The following NEUROD1 variants were observed in gnomAD, a reference collection of about 807,000 sequenced individuals.
NEUROD1 encodes neuronal differentiation 1.
A neutral mutation model predicts 21.8 loss-of-function variants in NEUROD1; 9 were observed. The ratio of observed to expected loss-of-function variants is 0.41; its 90% CI spans 0.25 to 0.72. The LOEUF is 0.72. Ranked by LOEUF, NEUROD1 falls within the 30% of genes least tolerant of loss-of-function variation. The pLI is 0.31. For missense variants in NEUROD1, 434 were observed against 468.8 expected, an observed-to-expected ratio of 0.93 and a Z score of 0.69; for synonymous variants, 199 against 186.2, an observed-to-expected ratio of 1.07 and a Z score of -0.56.
Position 181,676,503 on chromosome 2 carries a change from G to A in NEUROD1, c.*1287C>T, listed in dbSNP as rs1688573824. The A allele has an allele frequency of 6.6e-6, 1 of 152,598 alleles. No homozygotes were observed. The highest frequency in any genetic ancestry group is 1.5e-5 in the Non-Finnish European group (1 of 68,014). The allele number at this position is 152,598 out of a possible 1,614,324, so 9.5% of individuals were successfully genotyped here. ...ACTATTTTATTGCAACTGGATGAAT[G>A]TTTTCTAAATTGTGCATTACACCAT... On this transcript the variant is annotated 3_prime_UTR_variant, in exon 2 of 2. Transcript: ENST00000295108.
Position 181,677,780 on chromosome 2 carries a change from T to C in NEUROD1, c.*10A>G. ...GTTCGTTTCCCGGAAATGGTGAAAC[T>C]GGCGTGCCTCTAATCATGAAATATG... On this transcript the variant is annotated 3_prime_UTR_variant, in exon 2 of 2. Coordinates refer to ENST00000295108, the MANE Select transcript of NEUROD1 (RefSeq NM_002500.5). 1 of 1,614,116 alleles carries C rather than the reference T, an allele frequency of 6.2e-7. No homozygotes were observed. The highest frequency in any genetic ancestry group is 2.2e-5 in the East Asian group (1 of 44,868).
intron 1 of NEUROD1, among the ~76,000 whole-genome samples, chr2:181,679,090 T>TG (rs1688652838): frequency 6.6e-6 from 1 of 152,150 alleles, no homozygotes; most frequent in Non-Finnish European, 1.5e-5. Flanking sequence ...AGGACAGGAC[T>TG]GGGGGAGGGT....
downstream of NEUROD1, among the ~76,000 whole-genome samples, chr2:181,671,981 T>A (rs528007464): frequency 6.6e-6 from 1 of 152,252 alleles, no homozygotes; most frequent in African/African-American, 2.4e-5. Flanking sequence ...GTTTATACAC[T>A]GAACCCTTCA....
rs990710931 is a variant in NEUROD1, at chr2:181,676,774, A to G, written c.*1016T>C. 2 of 152,730 alleles carry G rather than the reference A, an allele frequency of 1.3e-5. No homozygotes were observed. 9.5% of individuals were successfully genotyped at this position (152,730 alleles called of 1,614,324 possible). A position where few individuals can be genotyped will look rare whatever the true frequency, so the allele number is the denominator to read the frequency against. On this transcript the variant is annotated 3_prime_UTR_variant, in exon 2 of 2. Transcript: ENST00000295108. ...TTACATGAATATATGACAAACCACC[A>G]TTTTTGTGACTATGTATAAAATCAT... is the stretch of plus-strand genomic sequence containing the variant.
At position 181,678,180 on chromosome 2, in the gene NEUROD1, G is replaced by T. The variant is rs1688622363; in HGVS notation, c.681C>A (p.Pro227=). ...HPYSYQSPGL[P]SPPYGTMDSS... ...TGTCCATGGTACCGTAAGGCGGACT[G>T]GGCAGCCCAGGCGACTGGTAGGAGT... Residue 227 remains proline, a synonymous_variant, in exon 2 of 2, where the codon CCC becomes CCA. Transcript: ENST00000295108. This position sits in a 1 kb window ranked among gnomAD's most constrained non-coding sequence, Gnocchi z 5.5. 3 of 1,614,044 alleles carry T rather than the reference G, an allele frequency of 1.9e-6. No individual in the cohort carries two copies. The African/African-American group carries it at 4.0e-5, about 22-fold the overall frequency.
downstream of NEUROD1, among the ~76,000 whole-genome samples, chr2:181,670,040 A>G (rs1168075464): frequency 6.6e-6 from 1 of 152,224 alleles, no homozygotes; most frequent in Non-Finnish European, 1.5e-5. Flanking sequence ...AAAATTATGT[A>G]CTTTAAAATA....
rs757538700 is a variant in NEUROD1, at chr2:181,678,410, A to G, written c.451T>C (p.Trp151Arg). The change falls in exon 2 of 2, where the codon TGG (tryptophan) becomes CGG (arginine). Residue 151 changes from tryptophan (W) to arginine (R), a missense_variant. By Grantham distance (101) the Trp-to-Arg change is moderately radical. Transcript: ENST00000295108. The surrounding 1 kb of genome is among the most constrained non-coding windows in gnomAD (Gnocchi z 5.5). Reference protein sequence around the residue: ...ETLRLAKNYIWALSEILRSGK... With the variant: ...ETLRLAKNYIRALSEILRSGK... ...GAGCGCAGGATCTCCGACAGAGCCC[A>G]GATGTAGTTCTTGGCCAAGCGCAGA... is the stretch of plus-strand genomic sequence containing the variant. 6.2e-6 allele frequency: 10 copies of G among 1,614,104 alleles called. No homozygotes were observed. In the East Asian group the frequency reaches 2.2e-4, roughly 36 times the overall value.
chr2:181,676,449 G>A (rs1250537563), downstream of NEUROD1: 1 of 152,592 alleles, frequency 6.6e-6, no homozygotes, highest in Admixed American at 6.5e-5. Flanking sequence ...CCTTTAAGAA[G>A]AAATGCAACA....
At position 181,678,118 on chromosome 2, in the gene NEUROD1, G is replaced by C; in HGVS notation, c.743C>G (p.Ala248Gly). 6.2e-7 allele frequency: 1 copy of C among 1,614,228 alleles called. No individual in the cohort carries two copies. Among genetic ancestry groups the C allele is most frequent in the Non-Finnish European group, 8.5e-7 (1 of 1,180,038 alleles). ...GAAGGGCTCCAGCGCTGCGCTGTAGGCGTGCGGCGGAGGCTTAACGTGGAA... is the reference window on the plus strand; with the variant it reads ...GAAGGGCTCCAGCGCTGCGCTGTAGCCGTGCGGCGGAGGCTTAACGTGGAA... The part of the protein sequence containing the change: ...HVFHVKPPPH[A>G]YSAALEPFFE... The change falls in exon 2 of 2, where the codon GCC (alanine) becomes GGC (glycine). Residue 248 changes from alanine to glycine, a missense_variant. By Grantham distance (60) the Ala-to-Gly change is moderately conservative. Transcript: ENST00000295108. The surrounding 1 kb of genome is among the most constrained non-coding windows in gnomAD (Gnocchi z 5.5).
intron 1 of NEUROD1, among the ~76,000 whole-genome samples, chr2:181,679,386 T>A (rs1216401030): frequency 1.3e-5 from 2 of 152,212 alleles, no homozygotes; most frequent in South Asian, 2.1e-4. Context: ...CTGGCAGCGA[T>A]TTTTAAGAAG....
At chr2:181,672,478 A>G (rs80281567), downstream of NEUROD1, among the ~76,000 whole-genome samples, 197 of 152,344 alleles carry the variant, frequency 1.3e-3, 4 homozygotes, top group East Asian at 0.017. Context: ...AACACACAGA[A>G]GAGACAACTT....
At chr2:181,674,412 G>T (rs1439612366), downstream of NEUROD1, among the ~76,000 whole-genome samples, 1 of 152,038 alleles carries the variant, frequency 6.6e-6, no homozygotes, top group Non-Finnish European at 1.5e-5. Context: ...TACAAACTGG[G>T]TATAAGCATT....
Position 181,677,897 on chromosome 2 carries a change from C to T in NEUROD1, c.964G>A (p.Ala322Thr), listed in dbSNP as rs754458532. ...QSHGSIFSGTAAPRCEIPIDN... is the reference protein window; with the variant it reads ...QSHGSIFSGTTAPRCEIPIDN... The stretch of plus-strand genomic sequence containing the variant: ...ATGGGGATCTCGCAGCGAGGGGCAG[C>T]GGTGCCTGAGAAGATTGATCCGTGG... The change falls in exon 2 of 2, where the codon GCT becomes ACT. Residue 322 changes from alanine (A) to threonine (T), a missense_variant. Coordinates refer to ENST00000295108, the MANE Select transcript of NEUROD1 (RefSeq NM_002500.5). 4.6e-5 allele frequency: 74 copies of T among 1,614,058 alleles called. No individual in the cohort carries two copies. In the Middle Eastern group the frequency reaches 5.6e-3, roughly 122 times the overall value.
rs1688581494 is a variant in NEUROD1, at chr2:181,676,761, A to G, written c.*1029T>C. ...AGGCTCAGATTTATTACATGAATAT[A>G]TGACAAACCACCATTTTTGTGACTA... On this transcript the variant is annotated 3_prime_UTR_variant, in exon 2 of 2. Transcript: ENST00000295108. 1 of 152,646 alleles carries G rather than the reference A, an allele frequency of 6.6e-6. No homozygotes were observed. The highest frequency in any genetic ancestry group is 1.5e-5 in the Non-Finnish European group (1 of 68,008). The allele number at this position is 152,646 out of a possible 1,614,324, so 9.5% of individuals were successfully genotyped here. A position where few individuals can be genotyped will look rare whatever the true frequency, so the allele number is the denominator to read the frequency against.
chr2:181,674,172 C>CT (rs1258354182), downstream of NEUROD1, among the ~76,000 whole-genome samples: 2 of 152,140 alleles, frequency 1.3e-5, no homozygotes, highest in African/African-American at 4.8e-5. Flanking sequence ...TACATACCAG[C>CT]TTTTTCTAGA....
Position 181,677,562 on chromosome 2 carries a change from T to C in NEUROD1, c.*228A>G. On this transcript the variant is annotated 3_prime_UTR_variant, in exon 2 of 2. Coordinates refer to ENST00000295108, the MANE Select transcript of NEUROD1 (RefSeq NM_002500.5). ...TATTTTTTAAACTTTACTGTATTTT[T>C]TTATTTTTTAAATAGAAGAGCTATA... 1.5e-6 allele frequency: 1 copy of C among 672,916 alleles called. No homozygotes were observed. Among genetic ancestry groups the C allele is most frequent in the Admixed American group, 3.1e-5 (1 of 32,184 alleles). The allele number at this position is 672,916 out of a possible 1,614,324, so 41.7% of individuals were successfully genotyped here.
In NEUROD1 at chr2:181,677,112, ATTTTTTTTTTTTTTTT is replaced by A. The variant is rs374172497; in HGVS notation, c.*662_*677del. On this transcript the variant is annotated 3_prime_UTR_variant, in exon 2 of 2. Transcript: ENST00000295108. ...TGAAATGAATTGCTCAAATTGTGCA[ATTTTTTTTTTTTTTTT>A]TTTTTTTTTTTTTTTTTTACAATTG... The A allele has an allele frequency of 2.8e-3, 138 of 49,448 alleles. No homozygotes were observed. The highest frequency in any genetic ancestry group is 3.4e-3 in the Non-Finnish European group (92 of 26,742). The allele number at this position is 49,448 out of a possible 1,614,324, so 3.1% of individuals were successfully genotyped here.
Position 181,677,112 on chromosome 2 carries a change from ATTTTTTTTTTTTTTTTT to A in NEUROD1, c.*661_*677del, listed in dbSNP as rs374172497. The A allele has an allele frequency of 6.1e-4, 30 of 49,438 alleles. 2 individuals carry two copies. In the South Asian group the frequency reaches 0.021, roughly 34 times the overall value. 3.1% of individuals were successfully genotyped at this position (49,438 alleles called of 1,614,324 possible). A position where few individuals can be genotyped will look rare whatever the true frequency, so the allele number is the denominator to read the frequency against. ...TGAAATGAATTGCTCAAATTGTGCA[ATTTTTTTTTTTTTTTTT>A]TTTTTTTTTTTTTTTTTACAATTGG... On this transcript the variant is annotated 3_prime_UTR_variant, in exon 2 of 2. Coordinates refer to ENST00000295108, the MANE Select transcript of NEUROD1 (RefSeq NM_002500.5).
Position 181,678,803 on chromosome 2 carries a change from G to C in NEUROD1, c.58C>G (p.Pro20Ala), listed in dbSNP as rs1271902949. 3 of 1,614,054 alleles carry C rather than the reference G, an allele frequency of 1.9e-6. No individual in the cohort carries two copies. Among genetic ancestry groups the C allele is most frequent in the Non-Finnish European group, 2.5e-6 (3 of 1,180,018 alleles). ...CTGAGACACTCGTCTGTCCAGCTTGGAGGACCTTGGGGCTGAGGCTCGCCC... is the reference window on the plus strand; with the variant it reads ...CTGAGACACTCGTCTGTCCAGCTTGCAGGACCTTGGGGCTGAGGCTCGCCC... ...LMGEPQPQGP[P>A]SWTDECLSSQ... Residue 20 changes from proline to alanine, a missense_variant, in exon 2 of 2, where the codon CCA (proline) becomes GCA (alanine). Pro to Ala is a conservative substitution (Grantham distance 27). Coordinates refer to ENST00000295108, the MANE Select transcript of NEUROD1 (RefSeq NM_002500.5). The surrounding 1 kb of genome is among the most constrained non-coding windows in gnomAD (Gnocchi z 5.5).
Sources: gnomAD v4.1 joint callset for allele counts (sites outside exome capture counted in the v4.1 genomes callset) on GRCh38, gnomAD v4.1.1 for gene constraint, Gnocchi (gnomAD v3.1) non-coding constraint, MANE v1.5 for transcripts, NCBI Gene and HGNC (gene_info 2026-07-23, HGNC 2026-07-21) for gene names.